Variants in SLC2A11 observed in about 807,000 individuals in gnomAD.
The protein encoded by SLC2A11 is solute carrier family 2 member 11.
In SLC2A11, 43 loss-of-function variants were observed where a neutral mutation model predicts 52.1. The observed-to-expected ratio is 0.82, with a 90% confidence interval of 0.65 to 1.06. The LOEUF (loss-of-function observed/expected upper bound fraction) is 1.06. Among genes scored for constraint, SLC2A11 ranks in the 50% least tolerant of loss-of-function variants. SLC2A11 has a pLI of 0.00. For synonymous variants in SLC2A11, 261 were observed against 277.6 expected, an observed-to-expected ratio of 0.94 and a Z score of 0.59; for missense variants, 582 against 654.2, an observed-to-expected ratio of 0.89 and a Z score of 1.20.
rs1344626249 is a variant in SLC2A11 at position 23,885,107 on chromosome 22, C to T, written c.*258C>T. The T allele has an allele frequency of 2.8e-5, 15 of 532,852 alleles. No homozygotes were observed. Among genetic ancestry groups the T allele is most frequent in the Middle Eastern group, 4.7e-4 (1 of 2,140 alleles). The allele number at this position is 532,852 out of a possible 1,614,324, so 33.0% of individuals were successfully genotyped here. ...GCAGCTCATGACTGTAATCCCAGCA[C>T]TTTGGGAGGCCAAGGTGGGAGGATC... On this transcript the variant is annotated 3_prime_UTR_variant, in exon 12 of 12. Transcript: ENST00000316185.
At position 23,857,991 on chromosome 22, in the gene SLC2A11, C is replaced by G. The variant is rs377726165; in HGVS notation, c.-9C>G. 1 of 1,591,260 alleles carries G rather than the reference C, an allele frequency of 6.3e-7. No homozygotes were observed. Among genetic ancestry groups the G allele is most frequent in the African/African-American group, 1.3e-5 (1 of 74,292 alleles). ...GACAGCAAGACCTCCGCTCAGGCCC[C>G]TCTTTCGAATGCTCCACGCCCTCCT... On this transcript the variant is annotated 5_prime_UTR_variant, in exon 1 of 12. Transcript: ENST00000316185.
Position 23,868,507 on chromosome 22 carries a change from A to T in SLC2A11, c.156A>T (p.Thr52=), listed in dbSNP as rs2298376. The change falls in exon 3 of 12, where the codon ACA becomes ACT. Residue 52 remains threonine, a synonymous_variant. Coordinates refer to ENST00000316185, the MANE Select transcript of SLC2A11 (RefSeq NM_001024939.4). ...TLHIQEFTNE[T]WQARTGEPLP... ...ACATTCAGGAATTCACCAATGAGACATGGCAGGCGCGTACTGGAGAGCCAC... is the reference window on the plus strand; with the variant it reads ...ACATTCAGGAATTCACCAATGAGACTTGGCAGGCGCGTACTGGAGAGCCAC... The T allele has an allele frequency of 6.2e-7, 1 of 1,614,204 alleles. No individual in the cohort carries two copies.
chr22:23,880,274 A>AAAAGAAAAG (rs58456590), intron 6 of SLC2A11: 2 of 130,120 alleles, frequency 1.5e-5, no homozygotes, highest in South Asian at 2.5e-4. Context: ...AAAAAAAAAA[A>AAAAGAAAAG]AAAAGAAAAG....
At chr22:23,872,816 C>T (rs1028522108) in intron 3 of SLC2A11, 2 of 152,190 alleles carry the variant, frequency 1.3e-5, no homozygotes, top group East Asian at 1.9e-4. Flanking sequence ...TCAGGAACTT[C>T]GTTGGAGTGG....
At chr22:23,873,278 C>T (rs2032513419) in intron 3 of SLC2A11, 1 of 151,312 alleles carries the variant, frequency 6.6e-6, no homozygotes, top group African/African-American at 2.5e-5. Context: ...CGCCTCGGCC[C>T]CCTCAAGCTA....
At chr22:23,861,223 C>T (rs1401453367) in intron 1 of SLC2A11, among the ~76,000 whole-genome samples, 2 of 149,712 alleles carry the variant, frequency 1.3e-5, no homozygotes, top group Non-Finnish European at 3.0e-5. Flanking sequence ...TGTGATCCAC[C>T]CGCCTCGGCC....
At chr22:23,863,591 T>C (rs1171378506) in intron 2 of SLC2A11, among the ~76,000 whole-genome samples, 2 of 151,210 alleles carry the variant, frequency 1.3e-5, no homozygotes, top group African/African-American at 4.9e-5. Context: ...CCTGCCCCTG[T>C]TTTTTCTCTC....
chr22:23,882,823 C>T lies in SLC2A11; in HGVS notation c.947C>T (p.Ala316Val), dbSNP rs144615650. 95 of 1,613,746 alleles carry T rather than the reference C, an allele frequency of 5.9e-5. No homozygotes were observed. Among genetic ancestry groups the T allele is most frequent in the East Asian group, 3.6e-4 (16 of 44,862 alleles). Reference sequence around the variant, plus strand: ...GTGCCGGAAGCGAAGATCCAGTACGCGATCATCGGGACTGGGAGCTGCGAG... The same window carrying T: ...GTGCCGGAAGCGAAGATCCAGTACGTGATCATCGGGACTGGGAGCTGCGAG... The part of the protein sequence containing the change: ...AGVPEAKIQY[A>V]IIGTGSCELL... Residue 316 changes from alanine to valine, a missense_variant, in exon 8 of 12, where the codon GCG becomes GTG. Physicochemically the swap from Ala to Val is moderately conservative, Grantham distance 64. Coordinates refer to ENST00000316185, the MANE Select transcript of SLC2A11 (RefSeq NM_001024939.4).
chr22:23,877,568 G>A (rs2032658759), intron 5 of SLC2A11, 153 bp from the exon 6 acceptor site: 12 of 1,032,612 alleles, frequency 1.2e-5, no homozygotes, highest in Middle Eastern at 2.5e-4. Context: ...ACCTGGGTGG[G>A]AGGGATCTTG....
At chr22:23,857,243 G>A, upstream of SLC2A11, 2 of 723,462 alleles carry the variant, frequency 2.8e-6, no homozygotes, top group East Asian at 2.7e-5. Context: ...GAGAGACAGA[G>A]ACCCGCAGAC....
chr22:23,877,617 C>T, intron 5 of SLC2A11, 104 bp from the exon 6 acceptor site: 3 of 1,386,226 alleles, frequency 2.2e-6, no homozygotes, highest in Admixed American at 2.1e-5. Context: ...AGGCACGGGG[C>T]AATTGCAGAC....
chr22:23,872,829 GC>G (rs1481519549), intron 3 of SLC2A11: 1 of 152,170 alleles, frequency 6.6e-6, no homozygotes, highest in African/African-American at 2.4e-5. Flanking sequence ...TGGAGTGGCA[GC>G]CCCCTATCTC....
At chr22:23,863,614 T>G (rs1052141365) in intron 2 of SLC2A11, among the ~76,000 whole-genome samples, 1 of 136,530 alleles carries the variant, frequency 7.3e-6, no homozygotes, top group African/African-American at 2.8e-5. Context: ...TCTGGTTTTT[T>G]TTTTTTTTTT....
chr22:23,877,951 G>A lies in SLC2A11; in HGVS notation c.694+82G>A, dbSNP rs2032678958. The A allele has an allele frequency of 1.0e-5, 15 of 1,446,328 alleles. 1 individual carries two copies. The South Asian group carries it at 1.9e-4, about 18-fold the overall frequency. 89.6% of individuals were successfully genotyped at this position (1,446,328 alleles called of 1,614,324 possible). Reference sequence around the variant, plus strand: ...AGAGTATACGGGTCCCCATTTCATAGGTTTCATTTATCAAGGAAAAGCTAT... The same window carrying A: ...AGAGTATACGGGTCCCCATTTCATAAGTTTCATTTATCAAGGAAAAGCTAT... On this transcript the variant is annotated intron_variant, in intron 6 of 11. Transcript: ENST00000316185.
chr22:23,865,115 A>AAAAAAAAC (rs1568986169), intron 2 of SLC2A11: 3 of 148,438 alleles, frequency 2.0e-5, no homozygotes, highest in Non-Finnish European at 4.5e-5. Context: ...AAAAAAAAAA[A>AAAAAAAAC]AAAAAAAACC....
In SLC2A11 at chr22:23,882,512, G is replaced by C; in HGVS notation, c.748G>C (p.Glu250Gln). 1.3e-6 allele frequency: 2 copies of C among 1,585,218 alleles called. No homozygotes were observed. Among genetic ancestry groups the C allele is most frequent in the Non-Finnish European group, 1.7e-6 (2 of 1,168,024 alleles). Residue 250 changes from glutamate to glutamine, a missense_variant, in exon 7 of 12, where the codon GAG becomes CAG. By Grantham distance (29) the Glu-to-Gln change is conservative. Coordinates refer to ENST00000316185, the MANE Select transcript of SLC2A11 (RefSeq NM_001024939.4). ...CTTGGCAGGGGAGCTGGAGGAGCTG[G>C]AGGAGGAGCGCGCTGCCTGCCAGGG... ...GDLAGELEEL[E>Q]EERAACQGCR...
rs138207647 is a variant in SLC2A11, at chr22:23,862,767, G to A, written c.129+565G>A. On this transcript the variant is annotated intron_variant, in intron 2 of 11. Transcript: ENST00000316185. Reference sequence around the variant, plus strand: ...GCCTCCCGAGTAGCTGGGATTGCAGGCATGTGCCACCATGCCCAGCTAATT... The same window carrying A: ...GCCTCCCGAGTAGCTGGGATTGCAGACATGTGCCACCATGCCCAGCTAATT... Among the ~76,000 whole-genome samples the A allele has an allele frequency of 3.4e-3, 512 of 152,272 alleles. 3 individuals carry two copies. Among genetic ancestry groups the A allele is most frequent in the African/African-American group, 0.012 (491 of 41,552 alleles).
chr22:23,857,581 C>CG (rs1555884646), upstream of SLC2A11: 2 of 1,453,132 alleles, frequency 1.4e-6, no homozygotes, highest in South Asian at 2.3e-5. Flanking sequence ...CCCCAAACCC[C>CG]CCCCCCGCGG....
intron 3 of SLC2A11, chr22:23,869,582 C>T (rs954518512): frequency 4.2e-5 from 7 of 167,004 alleles, no homozygotes; most frequent in Non-Finnish European, 6.4e-5. Context: ...CCCAGGAGAT[C>T]GAGGCTGCAG....
Sources: gnomAD v4.1 joint callset for allele counts (sites outside exome capture counted in the v4.1 genomes callset) on GRCh38, gnomAD v4.1.1 for gene constraint, MANE v1.5 for transcripts, NCBI Gene and HGNC (gene_info 2026-07-23, HGNC 2026-07-21) for gene names.